The following RYR2 variants were observed in gnomAD, a reference collection of about 807,000 sequenced individuals.
The protein encoded by RYR2 is ryanodine receptor 2, also known as cardiac muscle ryanodine receptor-calcium release channel.
In RYR2, 227 loss-of-function variants were observed where a neutral mutation model predicts 601.1. That is an observed-to-expected ratio of 0.38 (90% CI 0.34 to 0.42). The LOEUF (loss-of-function observed/expected upper bound fraction) is 0.42. RYR2 is among the 10% of genes least tolerant of loss of function. RYR2 has a pLI of 1.00. For missense variants in RYR2, 4,646 were observed against 6,156.5 expected (o/e 0.75, Z 8.21); for synonymous variants, 2,223 against 2,175.1 (o/e 1.02, Z -0.61).
At chr1:237,383,367 T>A (rs1701693804) in intron 8 of RYR2, among the ~76,000 whole-genome samples, 1 of 150,774 alleles carries the variant, frequency 6.6e-6, no homozygotes, top group South Asian at 2.1e-4. Flanking sequence ...CCCCTGCAAC[T>A]ACTCTGCATT....
At chr1:237,462,868 A>G (rs1572434610) in intron 16 of RYR2, among the ~76,000 whole-genome samples, 1 of 152,128 alleles carries the variant, frequency 6.6e-6, no homozygotes, top group East Asian at 1.9e-4. Flanking sequence ...AAGTCTCAGA[A>G]ACGTATCGTA....
At chr1:237,388,442 G>C (rs1216916007) in intron 10 of RYR2, among the ~76,000 whole-genome samples, 1 of 152,180 alleles carries the variant, frequency 6.6e-6, no homozygotes, top group Non-Finnish European at 1.5e-5. Flanking sequence ...AATTAACGAA[G>C]TGAGAAGAGT....
intron 2 of RYR2, among the ~76,000 whole-genome samples, chr1:237,297,414 G>T (rs542426412): frequency 6.6e-6 from 1 of 152,032 alleles, no homozygotes; most frequent in Non-Finnish European, 1.5e-5. Context: ...TAAAATCATC[G>T]TCTGCCATTT....
intron 3 of RYR2, among the ~76,000 whole-genome samples, chr1:237,348,973 G>A (rs888029476): frequency 4.6e-5 from 7 of 152,174 alleles, no homozygotes; most frequent in African/African-American, 1.7e-4. Context: ...ACTGGCCTAT[G>A]TGGAGAAAAG....
At chr1:237,321,544 G>A (rs577111565) in intron 2 of RYR2, among the ~76,000 whole-genome samples, 2 of 152,290 alleles carry the variant, frequency 1.3e-5, no homozygotes, top group Admixed American at 6.5e-5. Flanking sequence ...CGATGTCATT[G>A]AGTGATAACA....
intron 2 of RYR2, among the ~76,000 whole-genome samples, chr1:237,329,765 C>T (rs181152405): frequency 3.5e-4 from 54 of 152,178 alleles, no homozygotes; most frequent in Non-Finnish European, 6.8e-4. Context: ...TCACCTGAAT[C>T]GTGAACAGCC....
chr1:237,081,194 T>C (rs1158561404), intron 1 of RYR2, among the ~76,000 whole-genome samples: 3 of 122,176 alleles, frequency 2.5e-5, no homozygotes, highest in Non-Finnish European at 4.9e-5. Flanking sequence ...GACACATTAG[T>C]GGGTGCAGCG....
chr1:237,070,312 G>A (rs976855318), intron 1 of RYR2, among the ~76,000 whole-genome samples: 1 of 152,056 alleles, frequency 6.6e-6, no homozygotes, highest in Middle Eastern at 3.2e-3. Context: ...GCCTACAGGT[G>A]CATGTCCCTG....
chr1:237,407,337 T>C (rs895958606), intron 10 of RYR2, among the ~76,000 whole-genome samples: 1 of 151,236 alleles, frequency 6.6e-6, no homozygotes, highest in Non-Finnish European at 1.5e-5. Context: ...GTGAATCCTA[T>C]GGTAAGAGTA....
At chr1:237,246,236 C>T (rs545288997) in intron 1 of RYR2, among the ~76,000 whole-genome samples, 3 of 152,240 alleles carry the variant, frequency 2.0e-5, no homozygotes, top group African/African-American at 7.2e-5. Flanking sequence ...GCTGGGATTA[C>T]AGGTGCATGC....
intron 2 of RYR2, among the ~76,000 whole-genome samples, chr1:237,315,133 A>G (rs1694981876): frequency 6.6e-6 from 1 of 152,174 alleles, no homozygotes; most frequent in African/African-American, 2.4e-5. Flanking sequence ...GAATAAGATG[A>G]GTACATGTGT....
At position 237,400,138 on chromosome 1, in the gene RYR2, C is replaced by A. The variant is rs565108229; in HGVS notation, c.773+11955C>A. On this transcript the variant is annotated intron_variant, in intron 10 of 104. Transcript: ENST00000366574. ...CAAAATCAAAATCTTTGTTGAAAAA[C>A]TGTAGTTGTCAAACTCTTACTATAG... is the stretch of plus-strand genomic sequence containing the variant. Among the ~76,000 whole-genome samples, 3 of 152,150 alleles carry A rather than the reference C, an allele frequency of 2.0e-5. No homozygotes were observed. The East Asian group carries it at 5.8e-4, about 29-fold the overall frequency.
At chr1:237,822,208 C>G (rs1426611031) in intron 101 of RYR2, among the ~76,000 whole-genome samples, 1 of 152,018 alleles carries the variant, frequency 6.6e-6, no homozygotes, top group African/African-American at 2.4e-5. Context: ...AGAGCAACCC[C>G]AAGACACATA....
At chr1:237,348,260 C>G (rs1045741482) in intron 3 of RYR2, among the ~76,000 whole-genome samples, 2 of 152,122 alleles carry the variant, frequency 1.3e-5, no homozygotes, top group African/African-American at 4.8e-5. Context: ...CTGGCATGCA[C>G]CACTATTCCA....
chr1:237,572,118 C>G (rs1672761360), intron 29 of RYR2, among the ~76,000 whole-genome samples: 1 of 152,136 alleles, frequency 6.6e-6, no homozygotes, highest in Non-Finnish European at 1.5e-5. Context: ...AATTAGTGCT[C>G]TAACCCTCCC....
chr1:237,127,299 G>C, intron 1 of RYR2, among the ~76,000 whole-genome samples: 1 of 151,886 alleles, frequency 6.6e-6, no homozygotes, highest in East Asian at 1.9e-4. Flanking sequence ...GAGCTGTTGG[G>C]TACACCTCCC....
At chr1:237,387,488 C>A in intron 9 of RYR2, 108 bp downstream of exon 9, 1 of 958,788 alleles carries the variant, frequency 1.0e-6, no homozygotes. Flanking sequence ...TTGTCTGTGT[C>A]TAAATATTCT....
intron 90 of RYR2, 80 bp from the exon 91 acceptor site, chr1:237,785,889 C>A: frequency 1.0e-6 from 1 of 973,916 alleles, no homozygotes; most frequent in Non-Finnish European, 1.6e-6. Context: ...TATGGTTTGA[C>A]ACATGGTCAC....
At chr1:237,522,670 A>G (rs1415102869) in intron 24 of RYR2, among the ~76,000 whole-genome samples, 1 of 152,226 alleles carries the variant, frequency 6.6e-6, no homozygotes, top group Non-Finnish European at 1.5e-5. Flanking sequence ...CATCAAATGA[A>G]TGAATTAATA....
Sources: gnomAD v4.1 joint callset for allele counts (sites outside exome capture counted in the v4.1 genomes callset) on GRCh38, gnomAD v4.1.1 for gene constraint, MANE v1.5 for transcripts, NCBI Gene and HGNC (gene_info 2026-07-23, HGNC 2026-07-21) for gene names.